The following SHISAL1 variants were observed in gnomAD, a reference collection of about 807,000 sequenced individuals.
The protein encoded by SHISAL1 is protein shisa-like-1.
A neutral mutation model predicts 22.6 loss-of-function variants in SHISAL1; 9 were observed. The ratio of observed to expected loss-of-function variants is 0.40; its 90% CI spans 0.24 to 0.70. The LOEUF (loss-of-function observed/expected upper bound fraction) is 0.70, where lower values mean the gene tolerates loss of function less well. Among genes scored for constraint, SHISAL1 ranks in the 30% least tolerant of loss-of-function variants. The pLI is 0.39. For synonymous variants in SHISAL1, 119 were observed against 115.4 expected (o/e 1.03, Z -0.20); for missense variants, 246 against 270.6 (o/e 0.91, Z 0.64).
chr22:44,280,936 A>C lies in SHISAL1; in HGVS notation c.599+4492T>G, dbSNP rs1303798812. ...AGCAACAATAATGACCATCACAACC[A>C]TGAGAGCGGCACCTCCCAGGACCCA... On this transcript the variant is annotated intron_variant, in intron 4 of 4. Transcript: ENST00000381176. 3.9e-5 allele frequency among the ~76,000 whole-genome samples: 6 copies of C among 152,118 alleles called. No homozygotes were observed. In the East Asian group the frequency reaches 1.2e-3, roughly 29 times the overall value.
rs1380873924 is a variant in SHISAL1 at position 44,249,554 on chromosome 22, A to G, written c.*131T>C. 3.0e-6 allele frequency: 2 copies of G among 670,286 alleles called. No individual in the cohort carries two copies. Among genetic ancestry groups the G allele is most frequent in the East Asian group, 5.4e-5 (2 of 37,174 alleles). The allele number at this position is 670,286 out of a possible 1,614,324, so 41.5% of individuals were successfully genotyped here. On this transcript the variant is annotated 3_prime_UTR_variant, in exon 5 of 5. Transcript: ENST00000381176. ...GCGGAAGGGGGCTTTGGGCACAGGCAGCATTTCCTCCTGTGCCACCGCCGC... is the reference window on the plus strand; with the variant it reads ...GCGGAAGGGGGCTTTGGGCACAGGCGGCATTTCCTCCTGTGCCACCGCCGC...
At chr22:44,318,070 C>A in the SHISAL1 span, among the ~76,000 whole-genome samples, 2 of 152,220 alleles carry the variant, frequency 1.3e-5, no homozygotes, top group Admixed American at 6.5e-5. Context: ...AGGCTGGCTG[C>A]CCCCCGACCC....
At chr22:44,319,995 G>A in the SHISAL1 span, among the ~76,000 whole-genome samples, 7 of 152,298 alleles carry the variant, frequency 4.6e-5, no homozygotes, top group South Asian at 4.1e-4. Context: ...CAGACCATGT[G>A]ACTGTGAATG....
At chr22:44,266,801 G>T (rs1273040152) in intron 4 of SHISAL1, among the ~76,000 whole-genome samples, 1 of 152,084 alleles carries the variant, frequency 6.6e-6, no homozygotes, top group African/African-American at 2.4e-5. Context: ...CTCCACGCCC[G>T]TCAGCTCCCC....
intron 4 of SHISAL1, among the ~76,000 whole-genome samples, chr22:44,274,391 C>T (rs2055225460): frequency 6.6e-6 from 1 of 152,140 alleles, no homozygotes; most frequent in African/African-American, 2.4e-5. Context: ...AAACTGTCCA[C>T]CCCCTGGACT....
At chr22:44,328,804 C>G in the SHISAL1 span, among the ~76,000 whole-genome samples, 2 of 152,018 alleles carry the variant, frequency 1.3e-5, no homozygotes, top group African/African-American at 4.8e-5. Context: ...CTATTCAAAC[C>G]CTCACTCAAG....
intron 4 of SHISAL1, among the ~76,000 whole-genome samples, chr22:44,280,195 T>C (rs1403513716): frequency 6.6e-6 from 1 of 151,556 alleles, no homozygotes; most frequent in African/African-American, 2.4e-5. Flanking sequence ...AGCAAGGAGG[T>C]GTGAATCTGC....
chr22:44,323,320 AC>A, the SHISAL1 span, among the ~76,000 whole-genome samples: 1 of 138,756 alleles, frequency 7.2e-6, no homozygotes. Flanking sequence ...CCATCCATCC[AC>A]CCATTCATCC....
intron 1 of SHISAL1, among the ~76,000 whole-genome samples, chr22:44,305,815 C>T (rs2055466965): frequency 6.6e-6 from 1 of 152,200 alleles, no homozygotes; most frequent in African/African-American, 2.4e-5. Flanking sequence ...ATCAAAGCCG[C>T]AGCCCTGTAT....
At chr22:44,324,253 A>G in the SHISAL1 span, among the ~76,000 whole-genome samples, 1 of 152,204 alleles carries the variant, frequency 6.6e-6, no homozygotes, top group Non-Finnish European at 1.5e-5. Flanking sequence ...ATTGGTCACT[A>G]GTAAGAGATG....
intron 4 of SHISAL1, among the ~76,000 whole-genome samples, chr22:44,275,043 G>T (rs1328764365): frequency 1.3e-5 from 2 of 152,222 alleles, no homozygotes; most frequent in Non-Finnish European, 2.9e-5. Flanking sequence ...CGAAGACTAT[G>T]CAGCTCACCC....
intron 1 of SHISAL1, among the ~76,000 whole-genome samples, chr22:44,302,603 C>G (rs75602448): frequency 0.067 from 10,166 of 151,496 alleles, 626 homozygotes; most frequent in African/African-American, 0.17. Context: ...GAGTGCTGCA[C>G]ACGGAGGGAT....
At chr22:44,281,672 A>C (rs528425024) in intron 4 of SHISAL1, among the ~76,000 whole-genome samples, 12 of 152,234 alleles carry the variant, frequency 7.9e-5, no homozygotes, top group African/African-American at 2.9e-4. Context: ...CTGGGCCCTC[A>C]GGGGTTGTCC....
chr22:44,270,124 C>T (rs761802462), intron 4 of SHISAL1, among the ~76,000 whole-genome samples: 5 of 152,236 alleles, frequency 3.3e-5, no homozygotes, highest in African/African-American at 4.8e-5. Context: ...GTGGCAGTGG[C>T]CTCTCGCCAA....
intron 1 of SHISAL1, among the ~76,000 whole-genome samples, chr22:44,302,682 C>T (rs1488517402): frequency 1.1e-4 from 12 of 107,174 alleles, no homozygotes; most frequent in East Asian, 2.9e-4. Context: ...GGGGTGGGTG[C>T]GGTGAGGAGG....
At chr22:44,250,664 A>G (rs75748105) in intron 4 of SHISAL1, among the ~76,000 whole-genome samples, 11 of 152,314 alleles carry the variant, frequency 7.2e-5, no homozygotes, top group African/African-American at 2.6e-4. Context: ...GGAAGGGGAC[A>G]TGAATCCAGG....
chr22:44,264,121 T>C (rs1333333866), intron 4 of SHISAL1, among the ~76,000 whole-genome samples: 1 of 152,210 alleles, frequency 6.6e-6, no homozygotes, highest in East Asian at 1.9e-4. Flanking sequence ...GGGGCCAAGA[T>C]GGGAACCTTC....
chr22:44,250,443 T>C (rs923306668), intron 4 of SHISAL1, among the ~76,000 whole-genome samples: 7 of 152,234 alleles, frequency 4.6e-5, no homozygotes, highest in Non-Finnish European at 7.3e-5. Flanking sequence ...CACTTACTTA[T>C]AGCTTTGATT....
At chr22:44,326,419 G>A in the SHISAL1 span, among the ~76,000 whole-genome samples, 1 of 152,138 alleles carries the variant, frequency 6.6e-6, no homozygotes, top group East Asian at 1.9e-4. Context: ...CCTCTGCTGG[G>A]CATCTCTCTG....
Sources: gnomAD v4.1 joint callset for allele counts (sites outside exome capture counted in the v4.1 genomes callset) on GRCh38, gnomAD v4.1.1 for gene constraint, MANE v1.5 for transcripts, NCBI Gene and HGNC (gene_info 2026-07-23, HGNC 2026-07-21) for gene names.